Variants in ENOX2 observed in about 807,000 individuals in gnomAD.
ENOX2 encodes the protein APK1 antigen.
A neutral mutation model predicts 45.0 loss-of-function variants in ENOX2; 36 were observed. The ratio of observed to expected loss-of-function variants is 0.80; its 90% CI spans 0.61 to 1.06. The LOEUF (loss-of-function observed/expected upper bound fraction) is 1.06, where lower values mean the gene tolerates loss of function less well. ENOX2 is among the 50% of genes least tolerant of loss of function. The probability of loss-of-function intolerance (pLI) is 0.00; values close to 1 mark genes in which losing one functional copy is unlikely to be tolerated. For synonymous variants in ENOX2, 174 were observed against 152.3 expected (o/e 1.14, Z -1.05); for missense variants, 423 against 462.5 (o/e 0.91, Z 0.78).
At chrX:130,710,254 C>T (rs1335541925) in intron 3 of ENOX2, among the ~76,000 whole-genome samples, 1 of 111,712 alleles carries the variant, frequency 9.0e-6, no homozygotes, top group East Asian at 2.8e-4. Flanking sequence ...GCAGTAGAGC[C>T]GAGATTCAAA....
At chrX:130,803,761 ATTACT>A (rs1177873546) in intron 2 of ENOX2, among the ~76,000 whole-genome samples, 2 of 112,378 alleles carry the variant, frequency 1.8e-5, no homozygotes, top group Non-Finnish European at 3.8e-5. Flanking sequence ...TCCACAGCAT[ATTACT>A]GAAACTGCCA....
intron 5 of ENOX2, among the ~76,000 whole-genome samples, chrX:130,685,794 C>G (rs1346898075): frequency 5.4e-5 from 6 of 111,448 alleles, no homozygotes; most frequent in Non-Finnish European, 9.4e-5. Context: ...TTGAACCTGA[C>G]TAAATGGCAG....
At position 130,679,527 on chromosome X, in the gene ENOX2, C is replaced by A; in HGVS notation, c.460+15G>T. 8.5e-7 allele frequency: 1 copy of A among 1,180,175 alleles called. No homozygotes were observed. The highest frequency in any genetic ancestry group is 1.2e-6 in the Non-Finnish European group (1 of 866,791). On this transcript the variant is annotated intron_variant, in intron 6 of 14. Coordinates refer to ENST00000394363, the MANE Select transcript of ENOX2 (RefSeq NM_006375.4). Reference sequence around the variant, plus strand: ...TTGTGCCTGGTGGGCACAATCCTCACATCTAAACACCTACCAGACAGATAC... The same window carrying A: ...TTGTGCCTGGTGGGCACAATCCTCAAATCTAAACACCTACCAGACAGATAC...
At position 130,667,705 on chromosome X, in the gene ENOX2, A is replaced by G; in HGVS notation, c.732T>C (p.Leu244=). ...TGACCTCTCCTCGCTCTATCCAGGT[A>G]AGCAAGGTCTGTACAGCTTCTGAGA... ...SKFSEAVQTL[L]TWIERGEVNR... The change falls in exon 8 of 15, where the codon CTT becomes CTC. Residue 244 remains leucine, a synonymous_variant. Transcript: ENST00000394363. The G allele has an allele frequency of 1.7e-6, 2 of 1,209,955 alleles. No homozygotes were observed. The highest frequency in any genetic ancestry group is 2.2e-6 in the Non-Finnish European group (2 of 893,750).
rs560582465 is a variant in ENOX2, at chrX:130,628,284, C to T, written c.1529-241G>A. 8.0e-5 allele frequency among the ~76,000 whole-genome samples: 9 copies of T among 112,474 alleles called. No homozygotes were observed. The South Asian group carries it at 3.3e-3, about 42-fold the overall frequency. On this transcript the variant is annotated intron_variant, in intron 13 of 14. Transcript: ENST00000394363. Reference sequence around the variant, plus strand: ...AGTGTAAGCAACTTGTCCAAGGTCACACAGCTGGTAAGTGGCAGGGCTGGT... The same window carrying T: ...AGTGTAAGCAACTTGTCCAAGGTCATACAGCTGGTAAGTGGCAGGGCTGGT...
chrX:130,709,050 T>G, intron 3 of ENOX2, among the ~76,000 whole-genome samples: 1 of 112,175 alleles, frequency 8.9e-6, no homozygotes, highest in African/African-American at 3.2e-5. Flanking sequence ...CTTAGAGAAT[T>G]TAAGGTAATT....
In ENOX2 at chrX:130,708,942, C is replaced by T. The variant is rs182321899; in HGVS notation, c.-38-5688G>A. 4.3e-3 allele frequency among the ~76,000 whole-genome samples: 478 copies of T among 111,764 alleles called. 2 individuals are homozygous for T. Among genetic ancestry groups the T allele is most frequent in the Non-Finnish European group, 7.8e-3 (415 of 53,089 alleles). On this transcript the variant is annotated intron_variant, in intron 3 of 14. Coordinates refer to ENST00000394363, the MANE Select transcript of ENOX2 (RefSeq NM_006375.4). ...TTACATGCTGATAATACAAAAAATT[C>T]CCAATTACAGACATACAAACTTCAA...
At chrX:130,759,532 A>G (rs1187756342) in intron 3 of ENOX2, among the ~76,000 whole-genome samples, 1 of 98,480 alleles carries the variant, frequency 1.0e-5, no homozygotes, top group Non-Finnish European at 2.0e-5. Context: ...GAGCCCAGAT[A>G]GCGACACTGC....
chrX:130,849,410 G>A (rs1302963410), intron 2 of ENOX2, among the ~76,000 whole-genome samples: 1 of 111,859 alleles, frequency 8.9e-6, no homozygotes, highest in Non-Finnish European at 1.9e-5. Context: ...TAGAATAAAA[G>A]GATTAGAGTG....
intron 2 of ENOX2, among the ~76,000 whole-genome samples, chrX:130,846,784 C>T (rs2078115470): frequency 8.9e-6 from 1 of 112,619 alleles, no homozygotes; most frequent in South Asian, 3.6e-4. Context: ...TGTGGACTTG[C>T]TTTTGATTTT....
At chrX:130,743,424 G>T (rs2039028862) in intron 3 of ENOX2, among the ~76,000 whole-genome samples, 1 of 110,971 alleles carries the variant, frequency 9.0e-6, no homozygotes, top group Non-Finnish European at 1.9e-5. Flanking sequence ...CATCACTAGA[G>T]GCTTGAAGTA....
chrX:130,659,895 G>A (rs1486257776), intron 9 of ENOX2, among the ~76,000 whole-genome samples: 1 of 111,418 alleles, frequency 9.0e-6, no homozygotes, highest in Admixed American at 9.5e-5. Context: ...TTCCAGCTGG[G>A]CAAAAAAGTG....
intron 3 of ENOX2, among the ~76,000 whole-genome samples, chrX:130,726,072 G>A (rs1250694453): frequency 8.9e-6 from 1 of 112,033 alleles, no homozygotes; most frequent in Admixed American, 9.4e-5. Context: ...TTACTGTCTG[G>A]AGTATCTCTC....
chrX:130,707,531 C>G (rs557569580), intron 3 of ENOX2, among the ~76,000 whole-genome samples: 5 of 110,812 alleles, frequency 4.5e-5, no homozygotes, highest in Middle Eastern at 4.6e-3. Context: ...CACACACACA[C>G]ACACACACAC....
chrX:130,821,298 C>T (rs1451101969), intron 2 of ENOX2, among the ~76,000 whole-genome samples: 2 of 100,179 alleles, frequency 2.0e-5, no homozygotes, highest in African/African-American at 7.4e-5. Context: ...ACCCAAATGT[C>T]CAACAATGAT....
Position 130,825,720 on chromosome X carries a change from C to T in ENOX2, c.-182-42030G>A, listed in dbSNP as rs147078935. Among the ~76,000 whole-genome samples the T allele has an allele frequency of 9.4e-4, 105 of 111,140 alleles. 1 individual carries two copies. The highest frequency in any genetic ancestry group is 3.1e-3 in the African/African-American group (94 of 30,658). ...TTTCATCTGAGGCATGGATGATTTA[C>T]GGCCTCATTCAGAGTAGCCATGCTG... On this transcript the variant is annotated intron_variant, in intron 2 of 14. Coordinates refer to ENST00000394363, the MANE Select transcript of ENOX2 (RefSeq NM_006375.4).
At chrX:130,791,456 C>T (rs971383439) in intron 2 of ENOX2, among the ~76,000 whole-genome samples, 2 of 111,808 alleles carry the variant, frequency 1.8e-5, no homozygotes, top group East Asian at 2.8e-4. Context: ...GTTCAACTTA[C>T]GATTTTTCAA....
intron 3 of ENOX2, among the ~76,000 whole-genome samples, chrX:130,768,291 A>T (rs1448659548): frequency 9.0e-6 from 1 of 111,655 alleles, no homozygotes; most frequent in South Asian, 3.7e-4. Context: ...GGGGGCAGGG[A>T]GCAGTTTTCT....
At chrX:130,836,864 T>C (rs1442771097) in intron 2 of ENOX2, among the ~76,000 whole-genome samples, 1 of 112,184 alleles carries the variant, frequency 8.9e-6, no homozygotes, top group Middle Eastern at 4.6e-3. Context: ...TTTAGCTTTA[T>C]CTGTGGGTTA....
Sources: allele counts gnomAD v4.1 joint callset (sites outside exome capture counted in the v4.1 genomes callset), GRCh38; gene constraint gnomAD v4.1.1; transcripts MANE v1.5; gene names NCBI Gene and HGNC (gene_info 2026-07-23, HGNC 2026-07-21).